The following SLC13A3 variants were observed in gnomAD, a reference collection of about 807,000 sequenced individuals.
SLC13A3 encodes Na(+)/dicarboxylate cotransporter 3.
A neutral mutation model predicts 59.0 loss-of-function variants in SLC13A3; 40 were observed. The ratio of observed to expected loss-of-function variants is 0.68; its 90% CI spans 0.53 to 0.88. The LOEUF (loss-of-function observed/expected upper bound fraction) is 0.88, where lower values mean the gene tolerates loss of function less well. Ranked by LOEUF, SLC13A3 falls within the 40% of genes least tolerant of loss-of-function variation. The pLI is 0.00. For synonymous variants in SLC13A3, 317 were observed against 330.3 expected, an observed-to-expected ratio of 0.96 and a Z score of 0.44; for missense variants, 699 against 783.2, an observed-to-expected ratio of 0.89 and a Z score of 1.28.
intron 9 of SLC13A3, among the ~76,000 whole-genome samples, chr20:46,576,595 G>T (rs1343482395): frequency 6.6e-6 from 1 of 152,172 alleles, no homozygotes; most frequent in Non-Finnish European, 1.5e-5. Context: ...CTAGAACAGT[G>T]CCTGACACCT....
At chr20:46,632,911 A>AGATAGATAGACAGATAGCTCTT (rs1253627891) in intron 1 of SLC13A3, among the ~76,000 whole-genome samples, 87 of 55,586 alleles carry the variant, frequency 1.6e-3, no homozygotes, top group South Asian at 0.012. Flanking sequence ...ATAGATAGAT[A>AGATAGATAGACAGATAGCTCTT]TATCTATCTA....
At chr20:46,679,870 T>C (rs908555240) in intron 1 of SLC13A3, among the ~76,000 whole-genome samples, 4 of 148,416 alleles carry the variant, frequency 2.7e-5, no homozygotes, top group African/African-American at 1.0e-4. Context: ...ATCACACTAC[T>C]ACACTCCAGC....
At chr20:46,676,386 A>C (rs6012006) in intron 1 of SLC13A3, among the ~76,000 whole-genome samples, 103,799 of 143,294 alleles carry the variant, frequency 0.72, 38,452 homozygotes, top group African/African-American at 0.91. Flanking sequence ...CTGCCCCTTC[A>C]CCAAGGGCAG....
At chr20:46,675,601 A>G (rs1388273602) in intron 1 of SLC13A3, among the ~76,000 whole-genome samples, 1 of 145,602 alleles carries the variant, frequency 6.9e-6, no homozygotes, top group East Asian at 2.0e-4. Flanking sequence ...TTTGTTTTTA[A>G]CTAAAACTAA....
chr20:46,632,002 C>T (rs1010306292), intron 1 of SLC13A3, among the ~76,000 whole-genome samples: 3 of 152,146 alleles, frequency 2.0e-5, no homozygotes, highest in Non-Finnish European at 4.4e-5. Flanking sequence ...TCCCCCTGCC[C>T]CAGCTCCCTG....
rs776668388 is a variant in SLC13A3 at position 46,596,209 on chromosome 20, C to A, written c.742G>T (p.Ala248Ser). 1 of 1,614,104 alleles carries A rather than the reference C, an allele frequency of 6.2e-7. No individual in the cohort carries two copies. Among genetic ancestry groups the A allele is most frequent in the East Asian group, 2.2e-5 (1 of 44,868 alleles). The part of the protein sequence containing the change: ...IPYSASIGGT[A>S]TLTGTAPNLI... ...TTAGGGGCTGTGCCCGTGAGTGTGG[C>A]TGTGCCCCCAATACTGGCTGAGTAG... is the stretch of plus-strand genomic sequence containing the variant. The change falls in exon 5 of 13, where the codon GCC becomes TCC. Residue 248 changes from alanine to serine, a missense_variant. Coordinates refer to ENST00000279027, the MANE Select transcript of SLC13A3 (RefSeq NM_022829.6).
chr20:46,577,330 T>C lies in SLC13A3; in HGVS notation c.1220-1645A>G, dbSNP rs540185473. ...GTGCATGCAGCCCATGGTATCTACATGCAATGCAGGTGTCATATACCTTGA... is the reference window on the plus strand; with the variant it reads ...GTGCATGCAGCCCATGGTATCTACACGCAATGCAGGTGTCATATACCTTGA... On this transcript the variant is annotated intron_variant, in intron 9 of 12. Coordinates refer to ENST00000279027, the MANE Select transcript of SLC13A3 (RefSeq NM_022829.6). 9.8e-4 allele frequency among the ~76,000 whole-genome samples: 150 copies of C among 152,332 alleles called. 1 individual carries two copies. The highest frequency in any genetic ancestry group is 3.3e-3 in the African/African-American group (136 of 41,572).
rs1527136 is a variant in SLC13A3 at position 46,640,078 on chromosome 20, C to T, written c.111+11233G>A. On this transcript the variant is annotated intron_variant, in intron 1 of 12. Coordinates refer to ENST00000279027, the MANE Select transcript of SLC13A3 (RefSeq NM_022829.6). ...ACAAGCATATCATGAGTGCTTAGAA[C>T]CATGCCTGGCACTTAGTAGATGCTA... 4.4e-3 allele frequency among the ~76,000 whole-genome samples: 674 copies of T among 152,290 alleles called. 7 individuals carry two copies. The highest frequency in any genetic ancestry group is 0.016 in the African/African-American group (652 of 41,564).
At chr20:46,656,145 A>G (rs2062988517), upstream of SLC13A3, among the ~76,000 whole-genome samples, 1 of 143,824 alleles carries the variant, frequency 7.0e-6, no homozygotes, top group African/African-American at 2.5e-5. Context: ...TCTATATTAT[A>G]CTGTATGTAA....
chr20:46,585,746 G>C, intron 8 of SLC13A3: 1 of 1,292,566 alleles, frequency 7.7e-7, no homozygotes, highest in Non-Finnish European at 1.0e-6. Flanking sequence ...TTTTGCATCT[G>C]AAAAAAATAA....
At chr20:46,610,986 C>A (rs993387680) in intron 2 of SLC13A3, among the ~76,000 whole-genome samples, 5 of 151,982 alleles carry the variant, frequency 3.3e-5, no homozygotes, top group Non-Finnish European at 5.9e-5. Context: ...ACCAGCTACT[C>A]CCTGCTGCGA....
At chr20:46,566,539 G>T in intron 10 of SLC13A3, 149 bp from the exon 11 acceptor site, 2 of 816,958 alleles carry the variant, frequency 2.4e-6, no homozygotes, top group Non-Finnish European at 3.7e-6. Flanking sequence ...CGTGTCCAAT[G>T]TCACACATTC....
At chr20:46,566,601 C>G in intron 10 of SLC13A3, 1 of 495,154 alleles carries the variant, frequency 2.0e-6, no homozygotes, top group Non-Finnish European at 3.5e-6. Context: ...TCGAACTGCT[C>G]TCCACTCTAT....
chr20:46,642,837 G>A (rs1179333584), intron 1 of SLC13A3, among the ~76,000 whole-genome samples: 2 of 152,148 alleles, frequency 1.3e-5, no homozygotes, highest in East Asian at 3.9e-4. Context: ...GGAGGCAAAG[G>A]GCCAGGGGAG....
At chr20:46,624,184 C>A (rs960000885) in intron 1 of SLC13A3, among the ~76,000 whole-genome samples, 1 of 152,174 alleles carries the variant, frequency 6.6e-6, no homozygotes, top group East Asian at 1.9e-4. Flanking sequence ...GAACCCCATC[C>A]TTCTAGTTCT....
At chr20:46,574,086 C>T (rs186458504) in intron 10 of SLC13A3, among the ~76,000 whole-genome samples, 8 of 152,252 alleles carry the variant, frequency 5.3e-5, no homozygotes, top group South Asian at 2.1e-4. Flanking sequence ...ATTTAGCCTC[C>T]TTTTGCCTCC....
intron 1 of SLC13A3, among the ~76,000 whole-genome samples, chr20:46,625,107 T>C (rs1175767114): frequency 6.6e-6 from 1 of 152,190 alleles, no homozygotes; most frequent in African/African-American, 2.4e-5. Flanking sequence ...CTTCTTTCAC[T>C]GTGGCTGTCA....
In SLC13A3 at chr20:46,596,223, C is replaced by T. The variant is rs888631150; in HGVS notation, c.728G>A (p.Ser243Asn). ...GFLISIPYSASIGGTATLTGT... is the reference protein window; with the variant it reads ...GFLISIPYSANIGGTATLTGT... ...CGTGAGTGTGGCTGTGCCCCCAATA[C>T]TGGCTGAGTAGGGGATGGAGATGAG... The change falls in exon 5 of 13, where the codon AGT (serine) becomes AAT (asparagine). Residue 243 changes from serine (S) to asparagine (N), a missense_variant. Transcript: ENST00000279027. 6.2e-7 allele frequency: 1 copy of T among 1,614,046 alleles called. No homozygotes were observed. The highest frequency in any genetic ancestry group is 1.7e-5 in the Admixed American group (1 of 60,004).
At chr20:46,683,420 AG>A (rs1468889014) in intron 1 of SLC13A3, among the ~76,000 whole-genome samples, 3 of 152,180 alleles carry the variant, frequency 2.0e-5, no homozygotes, top group African/African-American at 7.2e-5. Context: ...ACAGTAATAA[AG>A]AAATGGGCAA....
Sources: gnomAD v4.1 joint callset for allele counts (sites outside exome capture counted in the v4.1 genomes callset) on GRCh38, gnomAD v4.1.1 for gene constraint, MANE v1.5 for transcripts, NCBI Gene and HGNC (gene_info 2026-07-23, HGNC 2026-07-21) for gene names.